The following NYAP2 variants were observed in gnomAD, a reference collection of about 807,000 sequenced individuals.
NYAP2 encodes neuronal tyrosine-phosphorylated phosphoinositide-3-kinase adaptor 2, also known as neuronal tyrosine-phosphorylated phosphoinositide-3-kinase adapter 2.
Under a neutral mutation model 50.4 loss-of-function variants are expected in NYAP2, and 23 were observed. The ratio of observed to expected loss-of-function variants is 0.46; its 90% CI spans 0.33 to 0.65. The LOEUF is 0.65. Among genes scored for constraint, NYAP2 ranks in the 30% least tolerant of loss-of-function variants. The pLI, the probability that NYAP2 is intolerant of heterozygous loss-of-function variation, is 0.02. For missense variants in NYAP2, 885 were observed against 861.0 expected (o/e 1.03, Z -0.35); for synonymous variants, 394 against 365.2 (o/e 1.08, Z -0.90).
chr2:225,666,134 C>A, the NYAP2 span, among the ~76,000 whole-genome samples: 1 of 152,026 alleles, frequency 6.6e-6, no homozygotes, highest in African/African-American at 2.4e-5. Flanking sequence ...CCTTTTTCTT[C>A]TCTCTCCAAA....
chr2:225,451,827 T>G (rs1256692735), intron 3 of NYAP2, among the ~76,000 whole-genome samples: 1 of 152,230 alleles, frequency 6.6e-6, no homozygotes, highest in Non-Finnish European at 1.5e-5. Flanking sequence ...AAACATTTCC[T>G]GAATTTCTTC....
chr2:225,615,414 A>G (rs777562219), intron 5 of NYAP2, among the ~76,000 whole-genome samples: 10 of 152,210 alleles, frequency 6.6e-5, no homozygotes, highest in Non-Finnish European at 1.5e-4. Flanking sequence ...CAATATCTCT[A>G]CAATCCTCAT....
chr2:225,466,370 T>A (rs1187417013), intron 3 of NYAP2, among the ~76,000 whole-genome samples: 2 of 152,180 alleles, frequency 1.3e-5, no homozygotes, highest in African/African-American at 4.8e-5. Flanking sequence ...GTTTAGAAAG[T>A]GAGCATTTGG....
intron 5 of NYAP2, among the ~76,000 whole-genome samples, chr2:225,604,122 T>C (rs1375176157): frequency 1.3e-5 from 2 of 152,174 alleles, no homozygotes; most frequent in Non-Finnish European, 2.9e-5. Context: ...AAACAGTTCA[T>C]ACATGCATTT....
chr2:225,408,370 T>C (rs557943906), intron 2 of NYAP2, among the ~76,000 whole-genome samples: 2 of 152,208 alleles, frequency 1.3e-5, no homozygotes, highest in East Asian at 3.9e-4. Context: ...TTTGCATACA[T>C]AGTTCAGATT....
In NYAP2 at chr2:225,620,724, AAAG is replaced by A. The variant is rs1161188011; in HGVS notation, c.1619-6185_1619-6183del. On this transcript the variant is annotated intron_variant, in intron 5 of 6. Coordinates refer to ENST00000636099, the Ensembl canonical transcript of NYAP2. ...AGACTAACCTCTGGGACTTGAAAAC[AAAG>A]AAGAAGAGAAAAACACACACACAAA... 1.1e-4 allele frequency among the ~76,000 whole-genome samples: 16 copies of A among 152,210 alleles called. No homozygotes were observed. The East Asian group carries it at 2.7e-3, about 26-fold the overall frequency.
intron 5 of NYAP2, among the ~76,000 whole-genome samples, chr2:225,625,908 T>C (rs1292541833): frequency 1.3e-5 from 2 of 152,188 alleles, no homozygotes; most frequent in African/African-American, 4.8e-5. Context: ...CGGGTTGCAG[T>C]AATTCAAGTG....
At chr2:225,431,322 A>G (rs1481609534) in intron 3 of NYAP2, among the ~76,000 whole-genome samples, 1 of 152,252 alleles carries the variant, frequency 6.6e-6, no homozygotes, top group Non-Finnish European at 1.5e-5. Context: ...GACCGTTGGC[A>G]TTCTTTCAGA....
At chr2:225,528,507 C>T (rs1424036949) in intron 4 of NYAP2, among the ~76,000 whole-genome samples, 2 of 152,026 alleles carry the variant, frequency 1.3e-5, no homozygotes, top group African/African-American at 4.8e-5. Context: ...GTCCTCAGGC[C>T]AAAGAACTTC....
chr2:225,559,840 G>A (rs1444638561), intron 4 of NYAP2, among the ~76,000 whole-genome samples: 1 of 151,608 alleles, frequency 6.6e-6, no homozygotes, highest in East Asian at 1.9e-4. Flanking sequence ...TTCATGTGCT[G>A]TATATATATA....
chr2:225,641,422 A>AACACACACACACACACACAC (rs56041107), intron 6 of NYAP2, among the ~76,000 whole-genome samples: 2 of 133,652 alleles, frequency 1.5e-5, no homozygotes, highest in Non-Finnish European at 3.1e-5. Flanking sequence ...CAATCCCTCA[A>AACACACACACACACACACAC]ACACACACAC....
intron 3 of NYAP2, among the ~76,000 whole-genome samples, chr2:225,511,327 AACACACACACACACACACACACAC>A (rs571887973): frequency 7.7e-6 from 1 of 129,842 alleles, no homozygotes; most frequent in East Asian, 2.2e-4. Flanking sequence ...CGTTCTTTAA[AACACACACACACACACACACACAC>A]ACACACACAC....
At chr2:225,619,607 G>T (rs553813957) in intron 5 of NYAP2, among the ~76,000 whole-genome samples, 1 of 152,254 alleles carries the variant, frequency 6.6e-6, no homozygotes, top group African/African-American at 2.4e-5. Context: ...GGTGGCCCAG[G>T]ATCCAGGACA....
the NYAP2 span, chr2:225,702,706 C>T: frequency 6.6e-6 from 1 of 151,670 alleles, no homozygotes; most frequent in African/African-American, 2.4e-5. Context: ...TGATTTAAAA[C>T]TCTTTGATAT....
chr2:225,417,019 G>T (rs1695136049), intron 3 of NYAP2, among the ~76,000 whole-genome samples: 1 of 152,132 alleles, frequency 6.6e-6, no homozygotes, highest in Admixed American at 6.6e-5. Context: ...GATGGTTATA[G>T]ACTGACTGTC....
chr2:225,412,762 T>C (rs1695068555), intron 3 of NYAP2, among the ~76,000 whole-genome samples: 1 of 152,126 alleles, frequency 6.6e-6, no homozygotes, highest in Non-Finnish European at 1.5e-5. Flanking sequence ...GGGTCTAGGA[T>C]AAGTTCTAGT....
chr2:225,651,846 G>A, exon 7 of NYAP2: 2 of 291,376 alleles, frequency 6.9e-6, no homozygotes, highest in East Asian at 1.4e-4. Flanking sequence ...TTGGCTTAGT[G>A]GTTCTTTTTT....
chr2:225,690,498 G>A, the NYAP2 span, among the ~76,000 whole-genome samples: 1 of 152,008 alleles, frequency 6.6e-6, no homozygotes, highest in South Asian at 2.1e-4. Flanking sequence ...AAACTAGGGG[G>A]AAAGTTCTCA....
chr2:225,485,164 C>T (rs1399585608), intron 3 of NYAP2, among the ~76,000 whole-genome samples: 1 of 152,214 alleles, frequency 6.6e-6, no homozygotes, highest in African/African-American at 2.4e-5. Context: ...ATACTGTTCT[C>T]TCGTGATAGT....
Sources: allele counts gnomAD v4.1 joint callset (sites outside exome capture counted in the v4.1 genomes callset), GRCh38; gene constraint gnomAD v4.1.1; transcripts MANE v1.5; gene names NCBI Gene and HGNC (gene_info 2026-07-23, HGNC 2026-07-21).